The following SLC19A1 variants were observed in gnomAD, a reference collection of about 807,000 sequenced individuals.
The protein encoded by SLC19A1 is solute carrier family 19 member 1.
In SLC19A1, 37 loss-of-function variants were observed where a neutral mutation model predicts 35.3. That is an observed-to-expected ratio of 1.05 (90% CI 0.81 to 1.38). SLC19A1 has a LOEUF of 1.38. Among genes scored for constraint, SLC19A1 ranks in the 40% most tolerant of loss-of-function variants. SLC19A1 has a pLI of 0.00. For synonymous variants in SLC19A1, 460 were observed against 398.5 expected (o/e 1.15, Z -1.84); for missense variants, 831 against 826.9 (o/e 1.00, Z -0.06).
At chr21:45,562,927 A>G (rs182429690) in exon 1 of SLC19A1, among the ~76,000 whole-genome samples, 10 of 152,356 alleles carry the variant, frequency 6.6e-5, no homozygotes, top group African/African-American at 2.2e-4. Context: ...TCCGTGGAAG[A>G]TCCTCCTCCG....
chr21:45,510,711 C>CCCCTT (rs1482588832), downstream of SLC19A1, among the ~76,000 whole-genome samples: 59 of 152,316 alleles, frequency 3.9e-4, no homozygotes, highest in African/African-American at 1.3e-3. Flanking sequence ...TGGGCTGTGG[C>CCCCTT]TTCTGGGTGC....
At chr21:45,529,364 A>C (rs1322697025) in intron 4 of SLC19A1, among the ~76,000 whole-genome samples, 1 of 152,180 alleles carries the variant, frequency 6.6e-6, no homozygotes, top group African/African-American at 2.4e-5. Flanking sequence ...GACCAGCATA[A>C]GGCCCAGGGG....
At chr21:45,543,272 T>TG (rs3838134), upstream of SLC19A1, among the ~76,000 whole-genome samples, 1,556 of 152,024 alleles carry the variant, frequency 0.01, 43 homozygotes, top group East Asian at 0.064. Context: ...CGGGGAGAAG[T>TG]GGGGGGCCTC....
At position 45,523,226 on chromosome 21, in the gene SLC19A1, C is replaced by T. The variant is rs143495419; in HGVS notation, c.1293+2591G>A. On this transcript the variant is annotated intron_variant, in intron 5 of 5. Coordinates refer to ENST00000311124, the MANE Select transcript of SLC19A1 (RefSeq NM_194255.4). ...GACACTCGGCACCCAGTAACAGGCACGGGGGCAAGATGAGCCCGCACCACC... is the reference window on the plus strand; with the variant it reads ...GACACTCGGCACCCAGTAACAGGCATGGGGGCAAGATGAGCCCGCACCACC... Among the ~76,000 whole-genome samples, 919 of 152,220 alleles carry T rather than the reference C, an allele frequency of 6.0e-3. 7 individuals are homozygous for T. The highest frequency in any genetic ancestry group is 0.023 in the South Asian group (110 of 4,824).
intron 5 of SLC19A1, among the ~76,000 whole-genome samples, chr21:45,520,972 A>T (rs1413048154): frequency 6.6e-6 from 1 of 150,894 alleles, no homozygotes; most frequent in Non-Finnish European, 1.5e-5. Context: ...GTGAGCTGAG[A>T]TTGCGCCATT....
chr21:45,547,788 C>T (rs1218943356), upstream of SLC19A1, among the ~76,000 whole-genome samples: 1 of 152,194 alleles, frequency 6.6e-6, no homozygotes, highest in Admixed American at 6.5e-5. Context: ...TTAGGATCTC[C>T]TGAGGGCTGC....
rs11544970 is a variant in SLC19A1, at chr21:45,504,469, C to T, written c.498-5857G>A. On this transcript the variant is annotated intron_variant, in intron 3 of 4. Transcript: ENST00000417954. ...GACAGAAAGGCGAAAGGGGGGAGCC[C>T]GGGGGCGGCGGTTTCTTCGGCTCCA... 40,717 of 1,607,824 alleles carry T rather than the reference C, an allele frequency of 0.025. 640 individuals carry two copies. Among genetic ancestry groups the T allele is most frequent in the South Asian group, 0.043 (3,874 of 90,862 alleles).
chr21:45,509,442 C>A, downstream of SLC19A1: 3 of 1,534,274 alleles, frequency 2.0e-6, no homozygotes, highest in Non-Finnish European at 2.6e-6. Context: ...CCCACCCCAC[C>A]GCGCGGCCCT....
intron 3 of SLC19A1, chr21:45,503,960 G>T (rs79785371): frequency 9.9e-6 from 16 of 1,609,576 alleles, no homozygotes; most frequent in South Asian, 3.3e-5. Flanking sequence ...GAGGGAACCC[G>T]GCGCTGTCAG....
intron 1 of SLC19A1, among the ~76,000 whole-genome samples, chr21:45,553,747 ATCCCCCACGCCCCATCCCAG>A (rs2078496820): frequency 5.7e-3 from 5 of 872 alleles, no homozygotes; most frequent in Non-Finnish European, 8.1e-3. Flanking sequence ...CCCCCTCCCA[ATCCCCCACGCCCCATCCCAG>A]TCCCCCACAC....
intron 4 of SLC19A1, among the ~76,000 whole-genome samples, chr21:45,529,923 G>T (rs1249667824): frequency 6.7e-6 from 1 of 150,126 alleles, no homozygotes; most frequent in Non-Finnish European, 1.5e-5. Flanking sequence ...CCCTGTGAGT[G>T]TGTGTGTGTC....
rs747029515 is a variant in SLC19A1, at chr21:45,505,879, G to A, written c.498-7267C>T. On this transcript the variant is annotated intron_variant, in intron 3 of 4. Coordinates refer to the SLC19A1 transcript ENST00000417954. ...CACGCCAGGCCATGCTGGGCCAGGT[G>A]CACGAGGTTCCCGAGGGCTGGCTCA... is the stretch of plus-strand genomic sequence containing the variant. The A allele has an allele frequency of 8.1e-6, 13 of 1,612,406 alleles. No homozygotes were observed. Among genetic ancestry groups the A allele is most frequent in the Admixed American group, 6.7e-5 (4 of 60,012 alleles).
intron 3 of SLC19A1, chr21:45,503,960 G>C: frequency 6.2e-7 from 1 of 1,609,576 alleles, no homozygotes; most frequent in Non-Finnish European, 8.5e-7. Flanking sequence ...GAGGGAACCC[G>C]GCGCTGTCAG....
At chr21:45,504,538 T>G in intron 3 of SLC19A1, 1 of 1,578,880 alleles carries the variant, frequency 6.3e-7, no homozygotes, top group Non-Finnish European at 8.6e-7. Context: ...CAGGCCCACG[T>G]GGCTACCCTG....
At chr21:45,547,285 A>G (rs2146481461), upstream of SLC19A1, among the ~76,000 whole-genome samples, 1 of 152,346 alleles carries the variant, frequency 6.6e-6, no homozygotes, top group South Asian at 2.1e-4. Flanking sequence ...TAAACCAAAA[A>G]TAAACTTCTA....
chr21:45,542,477 G>GA (rs982383329), upstream of SLC19A1: 1 of 150,838 alleles, frequency 6.6e-6, no homozygotes, highest in Non-Finnish European at 1.5e-5. Context: ...CGGCTGCGGG[G>GA]TGGGCGGGTC....
chr21:45,560,534 A>ACCCCCGCTAGGGTG (rs1602966966), intron 1 of SLC19A1, among the ~76,000 whole-genome samples: 10 of 150,986 alleles, frequency 6.6e-5, no homozygotes, highest in Non-Finnish European at 8.8e-5. Context: ...TGGCACTGGC[A>ACCCCCGCTAGGGTG]CCATGGTAGG....
At chr21:45,550,490 C>T (rs1366708097) in intron 1 of SLC19A1, among the ~76,000 whole-genome samples, 1 of 152,218 alleles carries the variant, frequency 6.6e-6, no homozygotes. Context: ...TCCTTGACTA[C>T]ACGGTCTTAT....
chr21:45,542,981 G>A (rs2078358815), upstream of SLC19A1, among the ~76,000 whole-genome samples: 1 of 152,020 alleles, frequency 6.6e-6, no homozygotes, highest in Non-Finnish European at 1.5e-5. Flanking sequence ...CCTGCTCTTG[G>A]GGACCGCACG....
Sources: allele counts gnomAD v4.1 joint callset (sites outside exome capture counted in the v4.1 genomes callset), GRCh38; gene constraint gnomAD v4.1.1; transcripts MANE v1.5; gene names NCBI Gene and HGNC (gene_info 2026-07-23, HGNC 2026-07-21).